CALN1: variants seen among roughly 807,000 people sequenced by gnomAD.
The protein encoded by CALN1 is calcium-binding protein 8.
In CALN1, 17 loss-of-function variants were observed where a neutral mutation model predicts 30.6. That is an observed-to-expected ratio of 0.56 (90% confidence interval 0.38 to 0.83). CALN1 has a LOEUF of 0.83. Among genes scored for constraint, CALN1 ranks in the 40% least tolerant of loss-of-function variants. The pLI is 0.00. For missense variants in CALN1, 291 were observed against 354.9 expected, an observed-to-expected ratio of 0.82 and a Z score of 1.45; for synonymous variants, 156 against 131.4, an observed-to-expected ratio of 1.19 and a Z score of -1.28.
chr7:71,991,667 A>G (rs970341297), intron 5 of CALN1, among the ~76,000 whole-genome samples: 2 of 152,248 alleles, frequency 1.3e-5, no homozygotes, highest in Non-Finnish European at 2.9e-5. Context: ...AGCCAAGTTC[A>G]AACTTATTTT....
At chr7:71,801,138 T>G (rs974646553) in intron 6 of CALN1, among the ~76,000 whole-genome samples, 9 of 152,210 alleles carry the variant, frequency 5.9e-5, no homozygotes, top group Non-Finnish European at 1.2e-4. Flanking sequence ...GCAAAAGACA[T>G]GATCTCATTC....
intron 3 of CALN1, among the ~76,000 whole-genome samples, chr7:72,227,325 A>G (rs1793757540): frequency 6.6e-6 from 1 of 151,932 alleles, no homozygotes; most frequent in African/African-American, 2.4e-5. Context: ...AGATAACTAA[A>G]GGTCAGGAGT....
chr7:71,889,683 G>A (rs1367316890), intron 5 of CALN1, among the ~76,000 whole-genome samples: 1 of 152,192 alleles, frequency 6.6e-6, no homozygotes, highest in Non-Finnish European at 1.5e-5. Flanking sequence ...GGCTGGGCAC[G>A]GTGGCTCAAG....
chr7:72,049,665 G>A (rs776300792), intron 4 of CALN1, among the ~76,000 whole-genome samples: 7 of 150,136 alleles, frequency 4.7e-5, no homozygotes, highest in East Asian at 2.0e-4. Context: ...GCGCCACCAC[G>A]CCCGGCTATT....
At position 72,194,896 on chromosome 7, in the gene CALN1, C is replaced by T. The variant is rs148189272; in HGVS notation, c.244+83790G>A. On this transcript the variant is annotated intron_variant, in intron 3 of 6. Transcript: ENST00000395275. ...TGAGCCTCTTGCCTTTTATTCCTCCCCTCTATTCTGTCCTCCACAATTCTC... is the reference window on the plus strand; with the variant it reads ...TGAGCCTCTTGCCTTTTATTCCTCCTCTCTATTCTGTCCTCCACAATTCTC... Among the ~76,000 whole-genome samples, 677 of 151,940 alleles carry T rather than the reference C, an allele frequency of 4.5e-3. 4 individuals are homozygous for T. The highest frequency in any genetic ancestry group is 0.016 in the African/African-American group (657 of 41,458).
the CALN1 span, among the ~76,000 whole-genome samples, chr7:72,452,629 T>G: frequency 6.6e-6 from 1 of 152,074 alleles, no homozygotes; most frequent in Non-Finnish European, 1.5e-5. Flanking sequence ...GTGAGCCAAA[T>G]AAACCTTTTC....
At chr7:72,313,500 C>A (rs1217811055) in intron 2 of CALN1, among the ~76,000 whole-genome samples, 2 of 152,128 alleles carry the variant, frequency 1.3e-5, no homozygotes, top group African/African-American at 4.8e-5. Flanking sequence ...CAAGCGACAG[C>A]TCCCAACTCA....
chr7:72,347,764 A>G lies in CALN1; in HGVS notation c.119+55487T>C, dbSNP rs193280316. 4.2e-3 allele frequency among the ~76,000 whole-genome samples: 636 copies of G among 152,288 alleles called. 9 individuals carry two copies. The highest frequency in any genetic ancestry group is 0.014 in the Admixed American group (211 of 15,298). On this transcript the variant is annotated intron_variant, in intron 2 of 6. Coordinates refer to ENST00000395275, the MANE Select transcript of CALN1 (RefSeq NM_031468.4). ...CTGAATGCAGTGAACATGCCCACTA[A>G]AAAGAAAACGGACCAATTTTTGCTT...
chr7:72,317,091 A>AGAAAGAGAGAGG (rs796294402), intron 2 of CALN1, among the ~76,000 whole-genome samples: 2 of 122,262 alleles, frequency 1.6e-5, no homozygotes, highest in African/African-American at 5.8e-5. Context: ...AGAGAGAGAG[A>AGAAAGAGAGAGG]GAGGGAGGGA....
chr7:72,279,644 G>C (rs370627565), intron 2 of CALN1, among the ~76,000 whole-genome samples: 2 of 152,192 alleles, frequency 1.3e-5, no homozygotes, highest in East Asian at 1.9e-4. Context: ...AGAGATGTGA[G>C]ATAAAAGGAC....
At chr7:72,356,960 GGTTTT>G (rs773277311) in intron 2 of CALN1, among the ~76,000 whole-genome samples, 8 of 151,802 alleles carry the variant, frequency 5.3e-5, no homozygotes, top group Middle Eastern at 3.4e-3. Context: ...GTTTTGCTTT[GGTTTT>G]GTTTTGTTTT....
intron 5 of CALN1, among the ~76,000 whole-genome samples, chr7:71,926,090 T>G (rs1795256662): frequency 6.6e-6 from 1 of 152,164 alleles, no homozygotes; most frequent in Non-Finnish European, 1.5e-5. Flanking sequence ...AAGCCTCAGT[T>G]TGGCAATAAT....
At chr7:72,099,495 C>T (rs1177161921) in intron 4 of CALN1, among the ~76,000 whole-genome samples, 1 of 151,212 alleles carries the variant, frequency 6.6e-6, no homozygotes, top group African/African-American at 2.4e-5. Flanking sequence ...GCTCAAAAGG[C>T]CCCACTAAGG....
At chr7:72,410,209 A>G (rs1177570157) in intron 1 of CALN1, among the ~76,000 whole-genome samples, 1 of 152,184 alleles carries the variant, frequency 6.6e-6, no homozygotes, top group Non-Finnish European at 1.5e-5. Context: ...GGAGCTCTTA[A>G]ATATGTAAGA....
chr7:72,057,535 A>C (rs1803345908), intron 4 of CALN1, among the ~76,000 whole-genome samples: 2 of 152,018 alleles, frequency 1.3e-5, no homozygotes, highest in African/African-American at 2.4e-5. Flanking sequence ...AAGGAATATA[A>C]ATAGGAAATG....
chr7:72,332,860 C>G (rs1021905952), intron 2 of CALN1, among the ~76,000 whole-genome samples: 12 of 152,154 alleles, frequency 7.9e-5, no homozygotes, highest in African/African-American at 2.7e-4. Flanking sequence ...GTCCGGCTTT[C>G]AGAGCCAGCT....
intron 2 of CALN1, among the ~76,000 whole-genome samples, chr7:72,286,341 G>C (rs1464676224): frequency 1.3e-5 from 2 of 152,168 alleles, no homozygotes; most frequent in East Asian, 3.8e-4. Context: ...ATAACTCCCA[G>C]TATGCAAGGT....
chr7:72,446,611 G>T (rs578039876), intron 1 of CALN1, among the ~76,000 whole-genome samples: 2 of 152,204 alleles, frequency 1.3e-5, no homozygotes, highest in African/African-American at 2.4e-5. Flanking sequence ...ACGTAGGAGT[G>T]CAGCCACACA....
intron 5 of CALN1, among the ~76,000 whole-genome samples, chr7:71,920,634 C>T (rs796590268): frequency 3.3e-5 from 5 of 152,172 alleles, no homozygotes; most frequent in African/African-American, 7.2e-5. Context: ...AGCACCCGGC[C>T]GACAAATTAG....
Sources: gnomAD v4.1 joint callset for allele counts (sites outside exome capture counted in the v4.1 genomes callset) on GRCh38, gnomAD v4.1.1 for gene constraint, MANE v1.5 for transcripts, NCBI Gene and HGNC (gene_info 2026-07-23, HGNC 2026-07-21) for gene names.